SMIM41: variants seen among roughly 807,000 people sequenced by gnomAD.
SMIM41 encodes small integral membrane protein 41.
intron 2 of SMIM41, among the ~76,000 whole-genome samples, chr12:52,093,843 T>C (rs1940044046): frequency 6.6e-6 from 1 of 152,138 alleles, no homozygotes; most frequent in Non-Finnish European, 1.5e-5. Flanking sequence ...TGGAAAAATC[T>C]GGCCGGGTGG....
chr12:52,100,076 T>C (rs537858257), intron 2 of SMIM41, among the ~76,000 whole-genome samples: 1 of 152,072 alleles, frequency 6.6e-6, no homozygotes, highest in South Asian at 2.1e-4. Context: ...GGAAGTAATA[T>C]GATCCTCTCC....
chr12:52,107,357 G>A, intron 2 of SMIM41, 22 bp from the exon 3 acceptor site: 2 of 508,890 alleles, frequency 3.9e-6, no homozygotes, highest in South Asian at 2.9e-5. Context: ...TCTAACAGAT[G>A]TCTCTATATT....
chr12:52,099,481 G>A (rs767748832), intron 2 of SMIM41, among the ~76,000 whole-genome samples: 3 of 151,612 alleles, frequency 2.0e-5, no homozygotes, highest in South Asian at 2.1e-4. Flanking sequence ...TCATCCTCTC[G>A]CCCTCTGGAT....
At chr12:52,098,147 A>G (rs2120702767) in intron 2 of SMIM41, among the ~76,000 whole-genome samples, 1 of 152,122 alleles carries the variant, frequency 6.6e-6, no homozygotes, top group African/African-American at 2.4e-5. Flanking sequence ...GGGATGTACA[A>G]CTTCTGAGAT....
At chr12:52,101,152 G>C (rs1409466305) in intron 2 of SMIM41, among the ~76,000 whole-genome samples, 1 of 152,166 alleles carries the variant, frequency 6.6e-6, no homozygotes, top group African/African-American at 2.4e-5. Flanking sequence ...GCCAGGTGTG[G>C]TGGCTCAGGC....
At chr12:52,084,157 C>T (rs962681475) in intron 2 of SMIM41, among the ~76,000 whole-genome samples, 189 bp downstream of exon 2, 7 of 152,124 alleles carry the variant, frequency 4.6e-5, no homozygotes, top group Non-Finnish European at 8.8e-5. Flanking sequence ...AGGTGGATCA[C>T]GAGGTCAGGA....
intron 2 of SMIM41, among the ~76,000 whole-genome samples, chr12:52,096,010 G>C (rs4762053): frequency 0.45 from 68,706 of 151,784 alleles, 15,927 homozygotes; most frequent in Non-Finnish European, 0.51. Context: ...GCGATATTGG[G>C]AGTAATATCA....
chr12:52,098,738 G>GT (rs1055190321), intron 2 of SMIM41, among the ~76,000 whole-genome samples: 6 of 143,580 alleles, frequency 4.2e-5, no homozygotes, highest in East Asian at 1.9e-4. Flanking sequence ...ATATCACGGG[G>GT]GGGGGGGTGT....
chr12:52,086,798 A>T (rs764252647), intron 2 of SMIM41, among the ~76,000 whole-genome samples: 2 of 152,172 alleles, frequency 1.3e-5, no homozygotes, highest in Non-Finnish European at 2.9e-5. Context: ...CCCTCAGCCT[A>T]TTCCGGCTGC....
intron 2 of SMIM41, among the ~76,000 whole-genome samples, chr12:52,089,964 TG>T (rs1296551113): frequency 2.0e-5 from 3 of 152,166 alleles, no homozygotes; most frequent in African/African-American, 7.2e-5. Flanking sequence ...GTTCAACCTA[TG>T]GAGCAAAGCA....
chr12:52,104,963 T>C (rs1940304783), intron 2 of SMIM41, among the ~76,000 whole-genome samples: 1 of 152,196 alleles, frequency 6.6e-6, no homozygotes, highest in Admixed American at 6.5e-5. Context: ...TAGTGCACAT[T>C]TCATTATTAT....
rs1317949358 is a variant in SMIM41, at chr12:52,081,163, T to C, written c.*120+982T>C. 6.6e-6 allele frequency among the ~76,000 whole-genome samples: 1 copy of C among 152,032 alleles called. No individual in the cohort carries two copies. Among genetic ancestry groups the C allele is most frequent in the African/African-American group, 2.4e-5 (1 of 41,370 alleles). ...AGAGCCACAGGGGCTGGAGAGGCCT[T>C]CTCTGTTCCTTCCCTCTGTTCAGCT... On this transcript the variant is annotated intron_variant, in intron 1 of 2. Transcript: ENST00000546390. The surrounding 1 kb of genome is among the most constrained non-coding windows in gnomAD (Gnocchi z 4.1).
intron 2 of SMIM41, among the ~76,000 whole-genome samples, chr12:52,089,642 C>T (rs1277419187): frequency 6.6e-6 from 1 of 151,856 alleles, no homozygotes; most frequent in African/African-American, 2.4e-5. Context: ...CAAAAACCTG[C>T]AGGAGAATCC....
At chr12:52,098,738 G>GC (rs1055190321) in intron 2 of SMIM41, among the ~76,000 whole-genome samples, 17 of 143,478 alleles carry the variant, frequency 1.2e-4, no homozygotes, top group African/African-American at 1.8e-4. Flanking sequence ...ATATCACGGG[G>GC]GGGGGGGTGT....
At chr12:52,098,586 GA>G (rs1940148237) in intron 2 of SMIM41, among the ~76,000 whole-genome samples, 1 of 151,538 alleles carries the variant, frequency 6.6e-6, no homozygotes, top group Non-Finnish European at 1.5e-5. Context: ...ACAATATCAG[GA>G]AGGGATGTAC....
intron 2 of SMIM41, among the ~76,000 whole-genome samples, chr12:52,091,857 A>G (rs3817606): frequency 0.25 from 38,632 of 152,236 alleles, 5,543 homozygotes; most frequent in East Asian, 0.46. Context: ...AGTGTTAACA[A>G]CAAAGTTTAA....
chr12:52,082,525 G>C (rs915944503), intron 1 of SMIM41, among the ~76,000 whole-genome samples: 4 of 152,186 alleles, frequency 2.6e-5, no homozygotes, highest in Non-Finnish European at 1.5e-5. Flanking sequence ...GTCAGGCTGA[G>C]TGGGCAGGAA....
At chr12:52,097,621 C>T (rs771878297) in intron 2 of SMIM41, among the ~76,000 whole-genome samples, 2 of 152,062 alleles carry the variant, frequency 1.3e-5, no homozygotes, top group South Asian at 2.1e-4. Flanking sequence ...ACACCTCCTG[C>T]GATATTGGGA....
At chr12:52,088,613 C>T (rs1939930518) in intron 2 of SMIM41, among the ~76,000 whole-genome samples, 1 of 152,218 alleles carries the variant, frequency 6.6e-6, no homozygotes, top group Non-Finnish European at 1.5e-5. Flanking sequence ...GTCCCTTCTG[C>T]CTGACGGAAA....
Sources: allele counts gnomAD v4.1 joint callset (sites outside exome capture counted in the v4.1 genomes callset), GRCh38; gene constraint gnomAD v4.1.1; non-coding constraint Gnocchi (gnomAD v3.1); transcripts MANE v1.5; gene names NCBI Gene and HGNC (gene_info 2026-07-23, HGNC 2026-07-21).